DRC4: variants seen among roughly 807,000 people sequenced by gnomAD.
The protein encoded by DRC4 is GAS-11.
At chr16:90,043,639 C>T in the DRC4 span, 5 of 578,386 alleles carry the variant, frequency 8.6e-6, no homozygotes, top group East Asian at 4.0e-5. Context: ...CAGAGTGCCC[C>T]GCACTCACCT....
At chr16:90,031,011 C>T in the DRC4 span, among the ~76,000 whole-genome samples, 1 of 152,112 alleles carries the variant, frequency 6.6e-6, no homozygotes, top group Non-Finnish European at 1.5e-5. Flanking sequence ...GCAAGATGCT[C>T]TTATATTTCT....
chr16:90,027,853 G>T, the DRC4 span: 2 of 790,498 alleles, frequency 2.5e-6, no homozygotes, highest in South Asian at 1.6e-5. Flanking sequence ...CCCCCCGCGT[G>T]GCCCATAATT....
At chr16:90,042,220 G>A in the DRC4 span, 1 of 550,210 alleles carries the variant, frequency 1.8e-6, no homozygotes, top group South Asian at 1.5e-5. Flanking sequence ...ACAGGTGTGA[G>A]CGGCAGTGCC....
the DRC4 span, chr16:90,037,238 A>G: frequency 4.3e-6 from 7 of 1,609,912 alleles, no homozygotes; most frequent in African/African-American, 8.0e-5. Context: ...GCAGGAGCAG[A>G]TGGAGGACAT....
chr16:90,029,659 GTTGTC>G, the DRC4 span: 10 of 218,280 alleles, frequency 4.6e-5, no homozygotes, highest in East Asian at 1.0e-3. Flanking sequence ...TTGTTTGCTC[GTTGTC>G]TTGTCTTCTT....
At chr16:90,037,617 C>A in the DRC4 span, 1 of 979,304 alleles carries the variant, frequency 1.0e-6, no homozygotes, top group Non-Finnish European at 1.6e-6. Context: ...ACCGGCCGGC[C>A]TTGGTGAGAC....
At chr16:90,029,066 A>C in the DRC4 span, 1 of 1,220,014 alleles carries the variant, frequency 8.2e-7, no homozygotes, top group South Asian at 1.5e-5. Context: ...CCAGCATGTG[A>C]GCTGCTGCCC....
the DRC4 span, among the ~76,000 whole-genome samples, chr16:90,028,173 A>ATTTTT: frequency 0.13 from 8,252 of 63,792 alleles, 2,050 homozygotes; most frequent in Non-Finnish European, 0.16. Flanking sequence ...TTAATCGTTC[A>ATTTTT]TTTTTTTTTT....
chr16:90,039,482 TTCA>T, the DRC4 span, among the ~76,000 whole-genome samples: 74,269 of 151,158 alleles, frequency 0.49, 19,234 homozygotes, highest in East Asian at 0.81. Flanking sequence ...ACCTCCTGGG[TTCA>T]AGTGATACTC....
the DRC4 span, among the ~76,000 whole-genome samples, chr16:90,041,345 AG>A: frequency 6.5e-4 from 99 of 152,288 alleles, no homozygotes; most frequent in Middle Eastern, 3.4e-3. Context: ...GCCAGGTGTG[AG>A]GGGGCTGCTG....
chr16:90,031,100 A>G, the DRC4 span: 2 of 1,247,220 alleles, frequency 1.6e-6, no homozygotes, highest in African/African-American at 1.5e-5. Flanking sequence ...GCCAAATTGA[A>G]GAGAATTCTG....
At chr16:90,030,394 G>A in the DRC4 span, among the ~76,000 whole-genome samples, 1 of 152,012 alleles carries the variant, frequency 6.6e-6, no homozygotes, top group East Asian at 1.9e-4. Context: ...CAGGTGGAGT[G>A]CAGTGGTGTG....
At chr16:90,021,794 A>G in the DRC4 span, among the ~76,000 whole-genome samples, 4 of 146,484 alleles carry the variant, frequency 2.7e-5, no homozygotes, top group African/African-American at 1.0e-4. Flanking sequence ...GCTTGAGCCC[A>G]GGAGGTCGAG....
chr16:90,031,191 TG>T, the DRC4 span: 2 of 1,551,604 alleles, frequency 1.3e-6, no homozygotes, highest in South Asian at 2.3e-5. Flanking sequence ...TATTTTTAGG[TG>T]AAGTTGAGTC....
the DRC4 span, chr16:90,036,388 G>C: frequency 5.0e-5 from 80 of 1,602,722 alleles, no homozygotes; most frequent in Non-Finnish European, 3.4e-6. Context: ...CAGAAATTGA[G>C]GCCAAGTATG....
chr16:90,026,490 A>G, the DRC4 span, among the ~76,000 whole-genome samples: 3 of 152,260 alleles, frequency 2.0e-5, no homozygotes, highest in Middle Eastern at 3.4e-3. Flanking sequence ...GTCACAACCG[A>G]TCGTGGTTAT....
chr16:90,044,871 G>T, the DRC4 span: 80,791 of 234,702 alleles, frequency 0.34, 16,302 homozygotes, highest in East Asian at 0.64. Flanking sequence ...CCATGAGCAA[G>T]AACCACTTTA....
chr16:90,027,531 A>G, the DRC4 span: 2 of 1,075,176 alleles, frequency 1.9e-6, no homozygotes, highest in South Asian at 1.3e-5. Context: ...CAGAAGGGAG[A>G]GAGGTTCCAG....
the DRC4 span, chr16:90,031,048 C>T: frequency 1.3e-6 from 1 of 789,566 alleles, no homozygotes; most frequent in African/African-American, 1.7e-5. Flanking sequence ...GGCATCAATT[C>T]TCAGGAATGG....
Sources: allele counts gnomAD v4.1 joint callset (sites outside exome capture counted in the v4.1 genomes callset), GRCh38; gene constraint gnomAD v4.1.1; transcripts MANE v1.5; gene names NCBI Gene and HGNC (gene_info 2026-07-23, HGNC 2026-07-21).